The following BCKDHB variants were observed in gnomAD, a reference collection of about 807,000 sequenced individuals.
BCKDHB encodes 2-oxoisovalerate dehydrogenase subunit beta, mitochondrial.
In BCKDHB, 41 loss-of-function variants were observed where a neutral mutation model predicts 48.5. The ratio of observed to expected loss-of-function variants is 0.85; its 90% CI spans 0.66 to 1.10. The LOEUF (loss-of-function observed/expected upper bound fraction) is 1.10, where lower values mean the gene tolerates loss of function less well. BCKDHB is among the 50% of genes least tolerant of loss of function. The probability of loss-of-function intolerance (pLI) is 0.00; values close to 1 mark genes in which losing one functional copy is unlikely to be tolerated. For missense variants in BCKDHB, 496 were observed against 494.2 expected, an observed-to-expected ratio of 1.00 and a Z score of -0.03; for synonymous variants, 201 against 174.8, an observed-to-expected ratio of 1.15 and a Z score of -1.18.
the BCKDHB span, among the ~76,000 whole-genome samples, chr6:80,378,788 C>T: frequency 6.6e-6 from 1 of 152,114 alleles, no homozygotes; most frequent in South Asian, 2.1e-4. Flanking sequence ...TCTGTATCCA[C>T]AGTAACATAT....
chr6:80,302,073 C>CA (rs1415398234), intron 9 of BCKDHB, among the ~76,000 whole-genome samples: 1 of 152,084 alleles, frequency 6.6e-6, no homozygotes, highest in African/African-American at 2.4e-5. Context: ...GGAACCATTC[C>CA]ACTTGAGAAC....
intron 8 of BCKDHB, among the ~76,000 whole-genome samples, chr6:80,234,976 C>T (rs1562161170): frequency 6.6e-6 from 1 of 152,032 alleles, no homozygotes; most frequent in African/African-American, 2.4e-5. Flanking sequence ...TCTTATGGAG[C>T]TAGTGAGCAG....
At chr6:80,162,895 G>A (rs1252542037) in intron 3 of BCKDHB, among the ~76,000 whole-genome samples, 2 of 151,664 alleles carry the variant, frequency 1.3e-5, no homozygotes, top group Non-Finnish European at 2.9e-5. Context: ...TTCCCCTCTA[G>A]TGACTGCTCC....
chr6:80,174,770 C>A (rs1773075567), intron 6 of BCKDHB, among the ~76,000 whole-genome samples: 1 of 152,118 alleles, frequency 6.6e-6, no homozygotes, highest in Non-Finnish European at 1.5e-5. Context: ...AGATAAAGTA[C>A]AGAGCTCACT....
At chr6:80,149,117 T>C (rs1771631150) in intron 3 of BCKDHB, among the ~76,000 whole-genome samples, 1 of 152,004 alleles carries the variant, frequency 6.6e-6, no homozygotes, top group African/African-American at 2.4e-5. Flanking sequence ...CTCAAACAAA[T>C]TTACAAGAAA....
At chr6:80,159,376 G>A (rs541621383) in intron 3 of BCKDHB, among the ~76,000 whole-genome samples, 1 of 152,056 alleles carries the variant, frequency 6.6e-6, no homozygotes, top group African/African-American at 2.4e-5. Flanking sequence ...TCTAACATCT[G>A]TTAATTATTT....
At chr6:80,371,150 T>C in the BCKDHB span, among the ~76,000 whole-genome samples, 1 of 152,124 alleles carries the variant, frequency 6.6e-6, no homozygotes, top group Non-Finnish European at 1.5e-5. Flanking sequence ...TGCCAACTTC[T>C]ATTATTTTTT....
chr6:80,271,692 A>G (rs1777747307), intron 8 of BCKDHB, among the ~76,000 whole-genome samples: 1 of 152,040 alleles, frequency 6.6e-6, no homozygotes, highest in Admixed American at 6.6e-5. Context: ...ATCCTTAGAT[A>G]CTTTTATGTT....
chr6:80,166,988 C>A (rs1229258384), intron 3 of BCKDHB, among the ~76,000 whole-genome samples: 1 of 152,104 alleles, frequency 6.6e-6, no homozygotes, highest in Non-Finnish European at 1.5e-5. Context: ...ATTAAAAAAT[C>A]ATCTCCCACT....
intron 9 of BCKDHB, among the ~76,000 whole-genome samples, chr6:80,316,858 C>T (rs1306344966): frequency 2.6e-5 from 4 of 152,234 alleles, no homozygotes; most frequent in South Asian, 2.1e-4. Flanking sequence ...TTAGAAGCAC[C>T]CAACAGTGTG....
the BCKDHB span, among the ~76,000 whole-genome samples, chr6:80,458,461 G>A: frequency 6.6e-6 from 1 of 152,192 alleles, no homozygotes; most frequent in Non-Finnish European, 1.5e-5. Flanking sequence ...GCTCTGTGAA[G>A]GCAGACAGTG....
rs9448893 is a variant in BCKDHB, at chr6:80,127,522, A to G, written c.197-25A>G. 0.43 allele frequency: 688,845 copies of G among 1,584,362 alleles called. 156,298 individuals are homozygous for G. Among genetic ancestry groups the G allele is most frequent in the Admixed American group, 0.62 (36,833 of 59,786 alleles). On this transcript the variant is annotated intron_variant, in intron 1 of 9. Transcript: ENST00000320393. Reference sequence around the variant, plus strand: ...TTTTATGTATTTTACAACACACGAAATGATTTTTTTTTTGATTTTCACAGG... The same window carrying G: ...TTTTATGTATTTTACAACACACGAAGTGATTTTTTTTTTGATTTTCACAGG...
At chr6:80,204,910 C>A (rs1305366583) in intron 8 of BCKDHB, among the ~76,000 whole-genome samples, 1 of 152,000 alleles carries the variant, frequency 6.6e-6, no homozygotes, top group Admixed American at 6.6e-5. Context: ...TTCCTTAGGG[C>A]TCTATCCTAC....
At chr6:80,274,658 TAAAA>T (rs1008258153) in intron 9 of BCKDHB, among the ~76,000 whole-genome samples, 24 of 152,032 alleles carry the variant, frequency 1.6e-4, no homozygotes, top group African/African-American at 5.1e-4. Context: ...TGCATATAAT[TAAAA>T]AAGGAAAACA....
At chr6:80,298,434 T>C (rs1767376343) in intron 9 of BCKDHB, among the ~76,000 whole-genome samples, 1 of 152,224 alleles carries the variant, frequency 6.6e-6, no homozygotes, top group Admixed American at 6.5e-5. Context: ...TTACCTGATT[T>C]TAGCCATACC....
At chr6:80,272,590 T>C (rs1021313559) in intron 8 of BCKDHB, among the ~76,000 whole-genome samples, 1 of 152,212 alleles carries the variant, frequency 6.6e-6, no homozygotes. Context: ...TAAAATAGAG[T>C]GTGGTCATCA....
At chr6:80,330,239 C>CA (rs1769256421) in intron 9 of BCKDHB, among the ~76,000 whole-genome samples, 1 of 151,944 alleles carries the variant, frequency 6.6e-6, no homozygotes, top group Admixed American at 6.6e-5. Flanking sequence ...GGGACATGAT[C>CA]AAAATGGCAC....
At chr6:80,459,743 A>C in the BCKDHB span, among the ~76,000 whole-genome samples, 3 of 152,164 alleles carry the variant, frequency 2.0e-5, no homozygotes, top group East Asian at 5.8e-4. Flanking sequence ...GCAACCTGAG[A>C]ATTTTATGGA....
intron 3 of BCKDHB, among the ~76,000 whole-genome samples, chr6:80,143,742 G>A (rs1034006861): frequency 1.3e-5 from 2 of 152,154 alleles, no homozygotes; most frequent in African/African-American, 4.8e-5. Flanking sequence ...GCAGTGAAAT[G>A]CTTGACCTTC....
Sources: allele counts gnomAD v4.1 joint callset (sites outside exome capture counted in the v4.1 genomes callset), GRCh38; gene constraint gnomAD v4.1.1; transcripts MANE v1.5; gene names NCBI Gene and HGNC (gene_info 2026-07-23, HGNC 2026-07-21).